SNX24: variants seen among roughly 807,000 people sequenced by gnomAD.
The protein encoded by SNX24 is sorting nexin-24.
SNX24 carries 22 observed loss-of-function variants against 28.7 expected under a neutral mutation model. The observed-to-expected ratio is 0.77, with a 90% CI of 0.55 to 1.10. The LOEUF (loss-of-function observed/expected upper bound fraction) is 1.10, where lower values mean the gene tolerates loss of function less well. SNX24 is among the 50% of genes least tolerant of loss of function. The pLI, the probability that SNX24 is intolerant of heterozygous loss-of-function variation, is 0.00. For missense variants in SNX24, 221 were observed against 201.1 expected, an observed-to-expected ratio of 1.10 and a Z score of -0.60; for synonymous variants, 69 against 71.5, an observed-to-expected ratio of 0.96 and a Z score of 0.18.
At chr5:122,988,891 T>C (rs1278839840) in intron 3 of SNX24, among the ~76,000 whole-genome samples, 1 of 152,220 alleles carries the variant, frequency 6.6e-6, no homozygotes, top group Admixed American at 6.5e-5. Context: ...ATTGCTTTTT[T>C]ATTTTTCATA....
At chr5:123,002,592 A>G (rs1000591198) in intron 6 of SNX24, among the ~76,000 whole-genome samples, 32 of 152,212 alleles carry the variant, frequency 2.1e-4, no homozygotes, top group African/African-American at 7.2e-5. Context: ...AGATCGCGCC[A>G]CTGCACTCCA....
intron 3 of SNX24, among the ~76,000 whole-genome samples, chr5:122,991,841 T>A (rs921867023): frequency 6.6e-6 from 1 of 152,228 alleles, no homozygotes; most frequent in Admixed American, 6.5e-5. Flanking sequence ...AGTCTTTATA[T>A]ATTTGTAAGA....
intron 3 of SNX24, among the ~76,000 whole-genome samples, chr5:122,988,706 G>T (rs1286774274): frequency 6.6e-6 from 1 of 152,112 alleles, no homozygotes; most frequent in Non-Finnish European, 1.5e-5. Context: ...CCAAATTTGG[G>T]AGGATATTTT....
At chr5:122,897,413 A>G (rs1196494341) in intron 1 of SNX24, among the ~76,000 whole-genome samples, 2 of 152,152 alleles carry the variant, frequency 1.3e-5, no homozygotes, top group Non-Finnish European at 2.9e-5. Flanking sequence ...CCTTATGTAT[A>G]TATGAAAATA....
At chr5:122,909,092 A>G (rs35708273) in intron 1 of SNX24, among the ~76,000 whole-genome samples, 3,991 of 152,286 alleles carry the variant, frequency 0.026, 68 homozygotes, top group Non-Finnish European at 0.037. Context: ...CTTATTCCAC[A>G]TATGAATACT....
Position 122,892,005 on chromosome 5 carries a change from G to GGGAA in SNX24, c.61-44727_61-44724dup, listed in dbSNP as rs370511815. On this transcript the variant is annotated intron_variant, in intron 1 of 6. Transcript: ENST00000261369. ...AACATCGTGAGGACCTTCACAAATGGGGAAGTCCATGCAGCAGACTTATTT... is the reference window on the plus strand; with the variant it reads ...AACATCGTGAGGACCTTCACAAATGGGGAAGGAAGTCCATGCAGCAGACTTATTT... Among the ~76,000 whole-genome samples, 178 of 152,172 alleles carry GGGAA rather than the reference G, an allele frequency of 1.2e-3. 2 individuals carry two copies. The highest frequency in any genetic ancestry group is 4.3e-3 in the African/African-American group (177 of 41,514).
chr5:123,025,763 G>GA (rs763151234), intron 5 of SNX24: 8 of 1,605,370 alleles, frequency 5.0e-6, no homozygotes, highest in South Asian at 2.3e-5. Flanking sequence ...GCTTTGAAAG[G>GA]AAAAAAATGT....
chr5:122,919,673 A>G (rs1485829417), intron 1 of SNX24, among the ~76,000 whole-genome samples: 1 of 152,196 alleles, frequency 6.6e-6, no homozygotes, highest in Non-Finnish European at 1.5e-5. Context: ...CTAAAATATA[A>G]TGATATTAAT....
Position 122,885,127 on chromosome 5 carries a change from C to T in SNX24, c.60+39434C>T, listed in dbSNP as rs567372883. ...ATGGGGTTAGGGAAGCTTCCTGCCT[C>T]TGTGAGAATGGAAGGAAGAAAGGAG... On this transcript the variant is annotated intron_variant, in intron 1 of 6. Transcript: ENST00000261369. 5.3e-5 allele frequency among the ~76,000 whole-genome samples: 8 copies of T among 152,228 alleles called. No homozygotes were observed. In the South Asian group the frequency reaches 1.7e-3, roughly 32 times the overall value.
At chr5:122,908,237 T>A (rs1757732617) in intron 1 of SNX24, among the ~76,000 whole-genome samples, 1 of 152,252 alleles carries the variant, frequency 6.6e-6, no homozygotes, top group South Asian at 2.1e-4. Flanking sequence ...CTAGTTTTGC[T>A]CTGATCAATA....
downstream of SNX24, among the ~76,000 whole-genome samples, chr5:123,013,062 A>G (rs1762618490): frequency 6.6e-6 from 1 of 152,118 alleles, no homozygotes; most frequent in South Asian, 2.1e-4. Flanking sequence ...CATCTGTTCA[A>G]CTCTTGGGGG....
At chr5:122,853,633 A>G in intron 1 of SNX24, 1 of 355,560 alleles carries the variant, frequency 2.8e-6, no homozygotes. Flanking sequence ...TTTAGATGTT[A>G]TTTTCAAATT....
intron 1 of SNX24, among the ~76,000 whole-genome samples, chr5:122,919,533 GTGT>G (rs1016610080): frequency 4.6e-5 from 7 of 151,536 alleles, no homozygotes; most frequent in African/African-American, 1.7e-4. Flanking sequence ...AGTTGATGTG[GTGT>G]TTTGACTTCA....
chr5:122,930,877 A>G (rs770253054), intron 1 of SNX24, among the ~76,000 whole-genome samples: 15 of 152,208 alleles, frequency 9.9e-5, no homozygotes, highest in Non-Finnish European at 2.1e-4. Flanking sequence ...CCTAATATCA[A>G]TAGGTTCTTG....
At chr5:122,909,642 C>G (rs921907067) in intron 1 of SNX24, among the ~76,000 whole-genome samples, 2 of 152,152 alleles carry the variant, frequency 1.3e-5, no homozygotes, top group Admixed American at 6.5e-5. Flanking sequence ...TCATCACTGC[C>G]AGGCTTACCT....
chr5:122,929,440 C>CT (rs34840907), intron 1 of SNX24, among the ~76,000 whole-genome samples: 21,017 of 148,308 alleles, frequency 0.14, 1,691 homozygotes, highest in East Asian at 0.36. Context: ...CTCCAATAGC[C>CT]TTTTTTTTTT....
At chr5:122,995,545 A>C (rs1762022896) in intron 3 of SNX24, among the ~76,000 whole-genome samples, 1 of 152,146 alleles carries the variant, frequency 6.6e-6, no homozygotes, top group African/African-American at 2.4e-5. Context: ...CACCATGTGG[A>C]AGGAACACTT....
chr5:122,998,126 A>G (rs1309615827), intron 3 of SNX24: 1 of 152,184 alleles, frequency 6.6e-6, no homozygotes, highest in Non-Finnish European at 1.5e-5. Context: ...TGAAATAGTA[A>G]TGAAATTATG....
Position 122,911,186 on chromosome 5 carries a change from T to C in SNX24, c.61-25548T>C, listed in dbSNP as rs1178888273. 3.9e-5 allele frequency among the ~76,000 whole-genome samples: 6 copies of C among 152,236 alleles called. No individual in the cohort carries two copies. The South Asian group carries it at 1.0e-3, about 26-fold the overall frequency. On this transcript the variant is annotated intron_variant, in intron 1 of 6. Transcript: ENST00000261369. ...CTAACTGGAGTGAGATGGTATCTCA[T>C]TGTGGTTTTGATTTGCATTTCTCTG...
Sources: allele counts gnomAD v4.1 joint callset (sites outside exome capture counted in the v4.1 genomes callset), GRCh38; gene constraint gnomAD v4.1.1; transcripts MANE v1.5; gene names NCBI Gene and HGNC (gene_info 2026-07-23, HGNC 2026-07-21).